Variants in AMOTL2 observed in about 807,000 individuals in gnomAD.
AMOTL2 encodes angiomotin-like protein 2.
AMOTL2 carries 33 observed loss-of-function variants against 78.4 expected under a neutral mutation model. The observed-to-expected ratio is 0.42, with a 90% CI of 0.32 to 0.56. The LOEUF (loss-of-function observed/expected upper bound fraction) is 0.56, where lower values mean the gene tolerates loss of function less well. Ranked by LOEUF, AMOTL2 falls within the 20% of genes least tolerant of loss-of-function variation. The pLI is 0.12. For synonymous variants in AMOTL2, 422 were observed against 428.8 expected, an observed-to-expected ratio of 0.98 and a Z score of 0.20; for missense variants, 983 against 1,030.1, an observed-to-expected ratio of 0.95 and a Z score of 0.63.
rs570666973 is a variant in AMOTL2 at position 134,357,617 on chromosome 3, G to A, written c.*88C>T. The A allele has an allele frequency of 1.3e-5, 18 of 1,337,790 alleles. 2 individuals carry two copies. In the South Asian group the frequency reaches 2.1e-4, roughly 16 times the overall value. 82.9% of individuals were successfully genotyped at this position (1,337,790 alleles called of 1,614,324 possible). On this transcript the variant is annotated 3_prime_UTR_variant, in exon 10 of 10. Coordinates refer to ENST00000249883, the MANE Select transcript of AMOTL2 (RefSeq NM_016201.4). Reference sequence around the variant, plus strand: ...TCTGGCTGGGGAAAGGGACGGAGCAGCGGTTGACGGGGCTGCTGAAATGGC... The same window carrying A: ...TCTGGCTGGGGAAAGGGACGGAGCAACGGTTGACGGGGCTGCTGAAATGGC...
In AMOTL2 at chr3:134,360,177, C is replaced by G. The variant is rs151045996; in HGVS notation, c.1812G>C (p.Gln604His). 706 of 1,613,934 alleles carry G rather than the reference C, an allele frequency of 4.4e-4. No individual in the cohort carries two copies. Among genetic ancestry groups the G allele is most frequent in the Non-Finnish European group, 5.7e-4 (669 of 1,179,956 alleles). The part of the protein sequence containing the change: ...RDTTLIRHSP[Q>H]PSPSSSFNEG... Reference sequence around the variant, plus strand: ...CATTGAAGCTGCTGCTGGGTGAGGGCTGGGGGGAATGTCGGATGAGAGTGG... The same window carrying G: ...CATTGAAGCTGCTGCTGGGTGAGGGGTGGGGGGAATGTCGGATGAGAGTGG... The change falls in exon 7 of 10, where the codon CAG (glutamine) becomes CAC (histidine). Residue 604 changes from glutamine (Q) to histidine (H), a missense_variant. Gln to His is a conservative substitution (Grantham distance 24). Coordinates refer to ENST00000249883, the MANE Select transcript of AMOTL2 (RefSeq NM_016201.4).
upstream of AMOTL2, chr3:134,375,025 T>G (rs1482420123): frequency 5.6e-6 from 8 of 1,440,336 alleles, no homozygotes; most frequent in Non-Finnish European, 7.3e-6. Context: ...AGTGAATGCT[T>G]CCAGCCACAG....
intron 2 of AMOTL2, among the ~76,000 whole-genome samples, chr3:134,370,417 C>T (rs574882868): frequency 6.6e-6 from 1 of 152,340 alleles, no homozygotes; most frequent in South Asian, 2.1e-4. Context: ...CCTTTAACCC[C>T]CTGCTGCAAT....
chr3:134,369,907 T>TA (rs2017778551), intron 2 of AMOTL2, among the ~76,000 whole-genome samples: 2 of 152,352 alleles, frequency 1.3e-5, no homozygotes, highest in South Asian at 4.1e-4. Context: ...CCAAACTCTC[T>TA]AGACTTCTTG....
At chr3:134,372,705 G>A (rs1179390531) in intron 1 of AMOTL2, among the ~76,000 whole-genome samples, 4 of 152,116 alleles carry the variant, frequency 2.6e-5, no homozygotes, top group African/African-American at 4.8e-5. Flanking sequence ...TGTTGGTTGA[G>A]AGACCTGGGG....
At position 134,356,981 on chromosome 3, in the gene AMOTL2, T is replaced by C. The variant is rs1406942681; in HGVS notation, c.*724A>G. 1.3e-5 allele frequency: 2 copies of C among 152,402 alleles called. No individual in the cohort carries two copies. The allele number at this position is 152,402 out of a possible 1,614,324, so 9.4% of individuals were successfully genotyped here. On this transcript the variant is annotated 3_prime_UTR_variant, in exon 10 of 10. Coordinates refer to ENST00000249883, the MANE Select transcript of AMOTL2 (RefSeq NM_016201.4). ...AGTCAGAAGTTTCAGAAACTGACAGTAGGAAGAGGGGAGCACAGCCCATGG... is the reference window on the plus strand; with the variant it reads ...AGTCAGAAGTTTCAGAAACTGACAGCAGGAAGAGGGGAGCACAGCCCATGG...
chr3:134,365,395 C>T (rs878962973), intron 5 of AMOTL2, among the ~76,000 whole-genome samples: 2 of 152,166 alleles, frequency 1.3e-5, no homozygotes, highest in Admixed American at 1.3e-4. Context: ...CCATGCCCCC[C>T]TACCTCTCAC....
rs2017081392 is a variant in AMOTL2, at chr3:134,356,377, A to ATGGGGTT, written c.*1327_*1328insAACCCCA. ...AAGACAAAACTGCTAAAACCCACCA[A>ATGGGGTT]TAGCTCCTGGGGCTGAAGTGAGGGA... On this transcript the variant is annotated 3_prime_UTR_variant, in exon 10 of 10. Coordinates refer to ENST00000249883, the MANE Select transcript of AMOTL2 (RefSeq NM_016201.4). 6.6e-6 allele frequency: 1 copy of ATGGGGTT among 152,572 alleles called. No individual in the cohort carries two copies. Among genetic ancestry groups the ATGGGGTT allele is most frequent in the African/African-American group, 2.4e-5 (1 of 41,474 alleles). 9.5% of individuals were successfully genotyped at this position (152,572 alleles called of 1,614,324 possible).
rs201856617 is a variant in AMOTL2 at position 134,370,952 on chromosome 3, C to T, written c.482G>A (p.Arg161Gln). The T allele has an allele frequency of 2.0e-4, 326 of 1,611,164 alleles. No individual in the cohort carries two copies. Among genetic ancestry groups the T allele is most frequent in the Non-Finnish European group, 2.4e-4 (286 of 1,178,854 alleles). ...CCTCTCCAGGGACAACTGAAGGAGC[C>T]GTTCACTCAACGAGCGCACGTGCCC... is the stretch of plus-strand genomic sequence containing the variant. ...RHGHVRSLSE[R>Q]LLQLSLERNG... The change falls in exon 2 of 10, where the codon CGG becomes CAG. Residue 161 changes from arginine (R) to glutamine (Q), a missense_variant. Transcript: ENST00000249883.
rs1453886145 is a variant in AMOTL2 at position 134,370,773 on chromosome 3, C to T, written c.661G>A (p.Glu221Lys). The T allele has an allele frequency of 1.3e-6, 2 of 1,526,022 alleles. No individual in the cohort carries two copies. The highest frequency in any genetic ancestry group is 1.8e-6 in the Non-Finnish European group (2 of 1,137,348). The allele number at this position is 1,526,022 out of a possible 1,614,324, so 94.5% of individuals were successfully genotyped here. ...PQYPHVVLAHETTTAVTDPRY... is the reference protein window; with the variant it reads ...PQYPHVVLAHKTTTAVTDPRY... The stretch of plus-strand genomic sequence containing the variant: ...GGGTCAGTGACAGCAGTGGTGGTCT[C>T]ATGAGCTAGTACAACATGAGGGTAC... Residue 221 changes from glutamate to lysine, a missense_variant, in exon 2 of 10, where the codon GAG becomes AAG. Glu to Lys is a moderately conservative substitution (Grantham distance 56). Transcript: ENST00000249883.
At chr3:134,372,607 A>T (rs1261768125) in intron 1 of AMOTL2, among the ~76,000 whole-genome samples, 2 of 151,518 alleles carry the variant, frequency 1.3e-5, no homozygotes, top group African/African-American at 4.9e-5. Flanking sequence ...CTCTAGGCAC[A>T]TAAGGGATGG....
chr3:134,358,523 G>A lies in AMOTL2; in HGVS notation c.2284+17C>T. The A allele has an allele frequency of 6.2e-7, 1 of 1,607,140 alleles. No individual in the cohort carries two copies. Among genetic ancestry groups the A allele is most frequent in the Non-Finnish European group, 8.5e-7 (1 of 1,176,310 alleles). On this transcript the variant is annotated intron_variant, in intron 9 of 9. Coordinates refer to ENST00000249883, the MANE Select transcript of AMOTL2 (RefSeq NM_016201.4). ...CTCGGCCCTACCTAGCACAGAAGTG[G>A]GGTCAGGAGGACTTACCCAGAGAGG...
Position 134,365,806 on chromosome 3 carries a change from C to G in AMOTL2, c.1279+11G>C, listed in dbSNP as rs1319918429. 6.2e-7 allele frequency: 1 copy of G among 1,613,190 alleles called. No individual in the cohort carries two copies. Among genetic ancestry groups the G allele is most frequent in the East Asian group, 2.2e-5 (1 of 44,862 alleles). ...ACACAGGCCAGGCTTCTTAGTGGGG[C>G]CCCTACTCACTCTGAGCAAGCAGCT... On this transcript the variant is annotated intron_variant, in intron 5 of 9. Coordinates refer to ENST00000249883, the MANE Select transcript of AMOTL2 (RefSeq NM_016201.4).
In AMOTL2 at chr3:134,360,127, C is replaced by T. The variant is rs747935308; in HGVS notation, c.1862G>A (p.Arg621Lys). 1 of 1,609,526 alleles carries T rather than the reference C, an allele frequency of 6.2e-7. No homozygotes were observed. The highest frequency in any genetic ancestry group is 8.5e-7 in the Non-Finnish European group (1 of 1,176,202). The stretch of plus-strand genomic sequence containing the variant: ...GAACCTGCTTTCCATCTCCTGATGC[C>T]TGTGGCCACCAGTGAGCAGACCCTC... ...FNEGLLTGGH[R>K]HQEMESRLKV... Residue 621 changes from arginine to lysine, a missense_variant, in exon 7 of 10, where the codon AGG (arginine) becomes AAG (lysine). Physicochemically the swap from Arg to Lys is conservative, Grantham distance 26 (BLOSUM62 2). Coordinates refer to ENST00000249883, the MANE Select transcript of AMOTL2 (RefSeq NM_016201.4).
At chr3:134,361,920 A>AAAT in intron 5 of AMOTL2, 113 bp from the exon 6 acceptor site, 1 of 931,074 alleles carries the variant, frequency 1.1e-6, no homozygotes. Flanking sequence ...ATTCTCTCAA[A>AAAT]AATAACAGGA....
chr3:134,369,641 T>C (rs928367477), intron 2 of AMOTL2, among the ~76,000 whole-genome samples: 1 of 152,152 alleles, frequency 6.6e-6, no homozygotes, highest in African/African-American at 2.4e-5. Flanking sequence ...TGTCACTCAT[T>C]TCTCGAGAGC....
In AMOTL2 at chr3:134,371,281, G is replaced by A; in HGVS notation, c.153C>T (p.Pro51=). 1.2e-6 allele frequency: 2 copies of A among 1,612,460 alleles called. No homozygotes were observed. Among genetic ancestry groups the A allele is most frequent in the South Asian group, 1.1e-5 (1 of 91,048 alleles). Residue 51 remains proline (P), a synonymous_variant, in exon 2 of 10, where the codon CCC becomes CCT. Coordinates refer to ENST00000249883, the MANE Select transcript of AMOTL2 (RefSeq NM_016201.4). Reference sequence around the variant, plus strand: ...GGGCCAGGATCTCCAGGGAGGCCTGGGGGCTCCCTGTACCCCCAGTTCCAG... The same window carrying A: ...GGGCCAGGATCTCCAGGGAGGCCTGAGGGCTCCCTGTACCCCCAGTTCCAG... ...GGAGTGGTGS[P]QASLEILAPE...
Position 134,357,096 on chromosome 3 carries a change from A to G in AMOTL2, c.*609T>C, listed in dbSNP as rs773895703. On this transcript the variant is annotated 3_prime_UTR_variant, in exon 10 of 10. Transcript: ENST00000249883. ...GCGCACTGTCTCCCAGTCCACTTAA[A>G]TGGCCCCTCACCCACAGCAAGTGAG... 6.5e-6 allele frequency: 1 copy of G among 154,742 alleles called. No homozygotes were observed. The highest frequency in any genetic ancestry group is 1.4e-5 in the Non-Finnish European group (1 of 69,288). 9.6% of individuals were successfully genotyped at this position (154,742 alleles called of 1,614,324 possible).
At chr3:134,375,403 G>T, upstream of AMOTL2, 1 of 688,090 alleles carries the variant, frequency 1.5e-6, no homozygotes, top group Non-Finnish European at 2.6e-6. Flanking sequence ...CGTGCCCAGA[G>T]TCACACACAG....
Sources: gnomAD v4.1 joint callset for allele counts (sites outside exome capture counted in the v4.1 genomes callset) on GRCh38, gnomAD v4.1.1 for gene constraint, MANE v1.5 for transcripts, NCBI Gene and HGNC (gene_info 2026-07-23, HGNC 2026-07-21) for gene names.